TRERF1: variants seen among roughly 807,000 people sequenced by gnomAD.
TRERF1 encodes transcriptional regulating factor 1.
In TRERF1, 27 loss-of-function variants were observed where a neutral mutation model predicts 122.9. The ratio of observed to expected loss-of-function variants is 0.22; its 90% confidence interval spans 0.16 to 0.30. The LOEUF is 0.30. Ranked by LOEUF, TRERF1 falls within the 10% of genes least tolerant of loss-of-function variation. The pLI is 1.00. For missense variants in TRERF1, 1,248 were observed against 1,560.3 expected (o/e 0.80, Z 3.37); for synonymous variants, 636 against 641.7 (o/e 0.99, Z 0.13).
At position 42,451,665 on chromosome 6, in the gene TRERF1, G is replaced by A. The variant is rs1286269144; in HGVS notation, c.-539+356C>T. 7.7e-6 allele frequency among the ~76,000 whole-genome samples: 1 copy of A among 130,210 alleles called. No individual in the cohort carries two copies. The highest frequency in any genetic ancestry group is 2.9e-5 in the African/African-American group (1 of 34,430). 85.4% of individuals were successfully genotyped at this position (130,210 alleles called of 152,430 possible). On this transcript the variant is annotated intron_variant, in intron 1 of 17. Transcript: ENST00000372922. ...CCTCCCCATGCGCCCTCCCCGGCCAGAAACTTACTAGTGAGCAAGCGTGCA... is the reference window on the plus strand; with the variant it reads ...CCTCCCCATGCGCCCTCCCCGGCCAAAAACTTACTAGTGAGCAAGCGTGCA...
chr6:42,303,904 TAAAAAAAAAAAAAAAA>T (rs60880174), intron 3 of TRERF1, among the ~76,000 whole-genome samples: 1 of 69,262 alleles, frequency 1.4e-5, no homozygotes, highest in Admixed American at 2.0e-4. Context: ...CACTGTCTCA[TAAAAAAAAAAAAAAAA>T]AAAAAAAAAG....
At chr6:42,346,505 C>A (rs1768313778) in intron 3 of TRERF1, among the ~76,000 whole-genome samples, 1 of 152,188 alleles carries the variant, frequency 6.6e-6, no homozygotes. Context: ...GGTCAATCCA[C>A]AGCGATCCAG....
chr6:42,350,109 C>G (rs1030665901), intron 3 of TRERF1, among the ~76,000 whole-genome samples: 2 of 152,098 alleles, frequency 1.3e-5, no homozygotes, highest in African/African-American at 4.8e-5. Context: ...AGGGACTAGA[C>G]TTCTCCCTGC....
intron 3 of TRERF1, among the ~76,000 whole-genome samples, chr6:42,348,665 C>T (rs1056124604): frequency 5.9e-5 from 9 of 152,308 alleles, no homozygotes; most frequent in South Asian, 2.1e-4. Context: ...GGACGATCCA[C>T]GTATTAATAA....
chr6:42,256,260 AC>A (rs1261027107), intron 12 of TRERF1, among the ~76,000 whole-genome samples: 1 of 152,206 alleles, frequency 6.6e-6, no homozygotes, highest in Non-Finnish European at 1.5e-5. Flanking sequence ...GAAGAATGGA[AC>A]CAGTTGGTGA....
Position 42,232,770 on chromosome 6 carries a change from CCCA to C in TRERF1, c.3186_3188del (p.Ser1062_Gly1063delinsArg). 1 of 1,613,254 alleles carries C rather than the reference CCCA, an allele frequency of 6.2e-7. No individual in the cohort carries two copies. Among genetic ancestry groups the C allele is most frequent in the South Asian group, 1.1e-5 (1 of 90,948 alleles). On this transcript the variant is annotated inframe_deletion, in exon 17 of 18. Transcript: ENST00000372922. The surrounding 1 kb of genome is among the most constrained non-coding windows in gnomAD (Gnocchi z 4.5). ...AGGGTGAGCTCTTTACCGAACAGTACCCACTCTGGGTGCCACCAGGCTTCTGCT... is the reference window on the plus strand; with the variant it reads ...AGGGTGAGCTCTTTACCGAACAGTACCTCTGGGTGCCACCAGGCTTCTGCT...
At chr6:42,410,785 A>T (rs1780999429) in intron 2 of TRERF1, among the ~76,000 whole-genome samples, 1 of 152,244 alleles carries the variant, frequency 6.6e-6, no homozygotes, top group African/African-American at 2.4e-5. Context: ...TGGATGGTAG[A>T]TGTGCAATAA....
At chr6:42,442,012 AAAAGG>A (rs1308233661) in intron 2 of TRERF1, among the ~76,000 whole-genome samples, 1 of 152,160 alleles carries the variant, frequency 6.6e-6, no homozygotes, top group African/African-American at 2.4e-5. Flanking sequence ...CAGACTCTTC[AAAAGG>A]AAAGAGGCCC....
chr6:42,309,749 TTAAAA>T (rs964382854), intron 3 of TRERF1, among the ~76,000 whole-genome samples: 1 of 152,230 alleles, frequency 6.6e-6, no homozygotes, highest in African/African-American at 2.4e-5. Flanking sequence ...GAATATTAAT[TTAAAA>T]TAAAATAAAC....
rs116584371 is a variant in TRERF1 at position 42,340,076 on chromosome 6, T to A, written c.-371+22921A>T. ...CACCCCAGGGCTAAGTCTTGTCCTA[T>A]CCTCAAAACAACAGCAATCAAGTCA... On this transcript the variant is annotated intron_variant, in intron 3 of 17. Transcript: ENST00000372922. 3.1e-3 allele frequency among the ~76,000 whole-genome samples: 473 copies of A among 152,246 alleles called. 2 individuals carry two copies. Among genetic ancestry groups the A allele is most frequent in the African/African-American group, 0.011 (447 of 41,542 alleles).
rs187209352 is a variant in TRERF1 at position 42,385,134 on chromosome 6, G to A, written c.-453-22055C>T. Among the ~76,000 whole-genome samples the A allele has an allele frequency of 7.9e-5, 12 of 152,060 alleles. No individual in the cohort carries two copies. The East Asian group carries it at 2.1e-3, about 27-fold the overall frequency. The stretch of plus-strand genomic sequence containing the variant: ...CTGGGATTACAGGGTGTACCACCAC[G>A]CCCGGCTAATTTTTGTATTTTTAGC... On this transcript the variant is annotated intron_variant, in intron 2 of 17. Coordinates refer to ENST00000372922, the Ensembl canonical transcript of TRERF1.
At position 42,393,595 on chromosome 6, in the gene TRERF1, C is replaced by T. The variant is rs1778103656; in HGVS notation, c.-453-30516G>A. On this transcript the variant is annotated intron_variant, in intron 2 of 17. Transcript: ENST00000372922. The surrounding 1 kb of genome is among the most constrained non-coding windows in gnomAD (Gnocchi z 4.1). ...CAACCATTTAGTTCAGTGTGCTTCA[C>T]CAGAGAATTTCTTTCCTAAAACAGT... Among the ~76,000 whole-genome samples, 1 of 152,190 alleles carries T rather than the reference C, an allele frequency of 6.6e-6. No individual in the cohort carries two copies. The highest frequency in any genetic ancestry group is 1.9e-4 in the East Asian group (1 of 5,196).
chr6:42,359,864 T>C (rs1166810920), intron 3 of TRERF1, among the ~76,000 whole-genome samples: 2 of 152,192 alleles, frequency 1.3e-5, no homozygotes, highest in East Asian at 3.8e-4. Context: ...TTAAAATCCC[T>C]ATATTCTAGA....
At chr6:42,340,512 G>A (rs184361549) in intron 3 of TRERF1, among the ~76,000 whole-genome samples, 295 of 152,220 alleles carry the variant, frequency 1.9e-3, no homozygotes, top group Non-Finnish European at 3.1e-3. Flanking sequence ...TATTAGCTTT[G>A]TTTCTTCTTC....
At chr6:42,354,915 G>A (rs1340672586) in intron 3 of TRERF1, among the ~76,000 whole-genome samples, 1 of 152,084 alleles carries the variant, frequency 6.6e-6, no homozygotes, top group African/African-American at 2.4e-5. Context: ...CATCCTGATG[G>A]GACTTTCAGA....
At chr6:42,294,808 T>C (rs1236259619) in intron 4 of TRERF1, among the ~76,000 whole-genome samples, 1 of 152,196 alleles carries the variant, frequency 6.6e-6, no homozygotes, top group East Asian at 1.9e-4. Context: ...TGTACAGAGC[T>C]AGCTGACAAA....
At chr6:42,439,061 C>T (rs1785996908) in intron 2 of TRERF1, among the ~76,000 whole-genome samples, 2 of 152,258 alleles carry the variant, frequency 1.3e-5, no homozygotes, top group South Asian at 4.1e-4. Flanking sequence ...AAAGAGCAGG[C>T]GAGATGGAGA....
exon 12 of TRERF1, chr6:42,256,785 T>A (rs114078588): frequency 1.9e-6 from 3 of 1,614,214 alleles, no homozygotes; most frequent in African/African-American, 1.3e-5. Context: ...AATTGGTCCC[T>A]CCACCTGGCA....
chr6:42,324,780 A>G (rs552805053), intron 3 of TRERF1, among the ~76,000 whole-genome samples: 4 of 152,328 alleles, frequency 2.6e-5, no homozygotes, highest in Non-Finnish European at 4.4e-5. Context: ...TAAATGTAAG[A>G]CCTAAAACTA....
Sources: gnomAD v4.1 joint callset for allele counts (sites outside exome capture counted in the v4.1 genomes callset) on GRCh38, gnomAD v4.1.1 for gene constraint, Gnocchi (gnomAD v3.1) non-coding constraint, MANE v1.5 for transcripts, NCBI Gene and HGNC (gene_info 2026-07-23, HGNC 2026-07-21) for gene names.